The following SIPA1L1 variants were observed in gnomAD, a reference collection of about 807,000 sequenced individuals.
The protein encoded by SIPA1L1 is signal induced proliferation associated 1 like 1, also known as signal-induced proliferation-associated 1-like protein 1.
SIPA1L1 carries 26 observed loss-of-function variants against 162.7 expected under a neutral mutation model. That is an observed-to-expected ratio of 0.16 (90% CI 0.12 to 0.22). The LOEUF is 0.22. Ranked by LOEUF, SIPA1L1 falls within the 10% of genes least tolerant of loss-of-function variation. The probability of loss-of-function intolerance (pLI) is 1.00; values close to 1 mark genes in which losing one functional copy is unlikely to be tolerated. For synonymous variants in SIPA1L1, 829 were observed against 837.4 expected, an observed-to-expected ratio of 0.99 and a Z score of 0.17; for missense variants, 1,874 against 2,241.0, an observed-to-expected ratio of 0.84 and a Z score of 3.31.
At chr14:71,642,070 A>G (rs1310311283) in intron 7 of SIPA1L1, among the ~76,000 whole-genome samples, 1 of 152,208 alleles carries the variant, frequency 6.6e-6, no homozygotes, top group Non-Finnish European at 1.5e-5. Context: ...TCTTGCTAAG[A>G]TTAAGTAAGA....
rs1438155609 is a variant in SIPA1L1 at position 71,527,879 on chromosome 14, C to A, written c.-361-1433C>A. On this transcript the variant is annotated intron_variant, in intron 3 of 23. Coordinates refer to ENST00000381232, the MANE Select transcript of SIPA1L1 (RefSeq NM_001386936.1). ...CTGAGGTTTGGATAAGGACAGAGTT[C>A]TTATCTTTCCTTTTTTTTGTTTTGA... Among the ~76,000 whole-genome samples, 7 of 152,070 alleles carry A rather than the reference C, an allele frequency of 4.6e-5. 1 individual carries two copies. The East Asian group carries it at 1.4e-3, about 29-fold the overall frequency.
At chr14:71,457,863 C>T (rs2046304500) in intron 2 of SIPA1L1, among the ~76,000 whole-genome samples, 1 of 152,142 alleles carries the variant, frequency 6.6e-6, no homozygotes, top group Admixed American at 6.6e-5. Context: ...TCCCAAAGTG[C>T]TGGGATTACA....
intron 12 of SIPA1L1, among the ~76,000 whole-genome samples, chr14:71,675,929 A>G (rs1310821273): frequency 4.6e-5 from 7 of 152,188 alleles, no homozygotes; most frequent in African/African-American, 1.7e-4. Flanking sequence ...CATTTTGAAA[A>G]TGCAGCTTTT....
intron 3 of SIPA1L1, among the ~76,000 whole-genome samples, chr14:71,516,770 T>G (rs896752154): frequency 2.6e-5 from 4 of 151,756 alleles, no homozygotes; most frequent in African/African-American, 9.7e-5. Context: ...GTGAGGAGTT[T>G]GAGACCAGCC....
intron 13 of SIPA1L1, among the ~76,000 whole-genome samples, chr14:71,692,639 C>T (rs1481003048): frequency 6.6e-6 from 1 of 152,230 alleles, no homozygotes; most frequent in Non-Finnish European, 1.5e-5. Flanking sequence ...ATGGCTTCAG[C>T]TTGGCACACC....
At chr14:71,346,952 G>A (rs1056990945) in intron 2 of SIPA1L1, among the ~76,000 whole-genome samples, 2 of 150,844 alleles carry the variant, frequency 1.3e-5, no homozygotes, top group African/African-American at 4.9e-5. Flanking sequence ...TAAGCAATAT[G>A]TAGTCTTTTT....
At chr14:71,426,582 C>T (rs1002627293) in intron 2 of SIPA1L1, among the ~76,000 whole-genome samples, 2 of 151,524 alleles carry the variant, frequency 1.3e-5, no homozygotes, top group Admixed American at 1.3e-4. Context: ...CTCTGCCTCC[C>T]AGGTTCAAGC....
intron 17 of SIPA1L1, among the ~76,000 whole-genome samples, chr14:71,721,293 G>A (rs2083706173): frequency 6.6e-6 from 1 of 152,258 alleles, no homozygotes; most frequent in East Asian, 1.9e-4. Flanking sequence ...TTCCCTCTCA[G>A]GAGTCTCTCT....
At chr14:71,511,281 C>T (rs940099691) in intron 2 of SIPA1L1, among the ~76,000 whole-genome samples, 2 of 151,882 alleles carry the variant, frequency 1.3e-5, no homozygotes, top group East Asian at 1.9e-4. Context: ...GCATTTTCAG[C>T]CCCCCTCCCC....
intron 7 of SIPA1L1, among the ~76,000 whole-genome samples, chr14:71,631,776 G>A (rs2040596746): frequency 6.6e-6 from 1 of 151,928 alleles, no homozygotes; most frequent in African/African-American, 2.4e-5. Context: ...TTGGATTTTT[G>A]TTAGTAATTC....
At chr14:71,353,940 A>G (rs566543813) in intron 2 of SIPA1L1, among the ~76,000 whole-genome samples, 1 of 152,216 alleles carries the variant, frequency 6.6e-6, no homozygotes. Context: ...AGCATTTTAT[A>G]AAGAAAGGCC....
intron 12 of SIPA1L1, among the ~76,000 whole-genome samples, chr14:71,674,954 T>C (rs1261143886): frequency 6.6e-6 from 1 of 152,222 alleles, no homozygotes; most frequent in Non-Finnish European, 1.5e-5. Flanking sequence ...GAGTCCAGGC[T>C]CTGAACTGCC....
At chr14:71,401,651 A>G (rs1211006238) in intron 2 of SIPA1L1, among the ~76,000 whole-genome samples, 3 of 152,054 alleles carry the variant, frequency 2.0e-5, no homozygotes, top group African/African-American at 7.2e-5. Flanking sequence ...TTAACCCAAT[A>G]TTTTTTAGCA....
intron 22 of SIPA1L1, among the ~76,000 whole-genome samples, chr14:71,737,160 C>CACT (rs1268545887): frequency 6.6e-6 from 1 of 152,218 alleles, no homozygotes; most frequent in Non-Finnish European, 1.5e-5. Context: ...AGCCTTGCCA[C>CACT]ACTGTACACC....
At chr14:71,712,478 T>C (rs1222183718) in intron 17 of SIPA1L1, among the ~76,000 whole-genome samples, 1 of 152,204 alleles carries the variant, frequency 6.6e-6, no homozygotes, top group Non-Finnish European at 1.5e-5. Context: ...TATTTTATTT[T>C]ATTTTTTGGT....
intron 19 of SIPA1L1, among the ~76,000 whole-genome samples, chr14:71,727,702 T>G (rs2084371871): frequency 6.6e-6 from 1 of 152,238 alleles, no homozygotes; most frequent in South Asian, 2.1e-4. Flanking sequence ...TCCCAAGGGC[T>G]GGCAGCACCA....
intron 2 of SIPA1L1, chr14:71,416,261 T>C (rs891994633): frequency 2.0e-5 from 3 of 152,222 alleles, no homozygotes; most frequent in Non-Finnish European, 4.4e-5. Flanking sequence ...AAAAAGATTT[T>C]ACAATCTAGC....
At chr14:71,322,371 A>G (rs1212775550) in intron 2 of SIPA1L1, among the ~76,000 whole-genome samples, 1 of 152,236 alleles carries the variant, frequency 6.6e-6, no homozygotes, top group Non-Finnish European at 1.5e-5. Context: ...CAGCCAGTTT[A>G]GTAATAATAT....
At chr14:71,409,922 T>A (rs977942164) in intron 2 of SIPA1L1, among the ~76,000 whole-genome samples, 1 of 152,210 alleles carries the variant, frequency 6.6e-6, no homozygotes, top group Non-Finnish European at 1.5e-5. Context: ...TTTACGGGGC[T>A]TGCTTTTTGG....
Sources: allele counts gnomAD v4.1 joint callset (sites outside exome capture counted in the v4.1 genomes callset), GRCh38; gene constraint gnomAD v4.1.1; transcripts MANE v1.5; gene names NCBI Gene and HGNC (gene_info 2026-07-23, HGNC 2026-07-21).